TMEM39B: variants seen among roughly 807,000 people sequenced by gnomAD.
TMEM39B encodes transmembrane protein 39B.
Under a neutral mutation model 52.2 loss-of-function variants are expected in TMEM39B, and 23 were observed. The observed-to-expected ratio is 0.44, with a 90% CI of 0.32 to 0.62. The LOEUF (loss-of-function observed/expected upper bound fraction) is 0.62, where lower values mean the gene tolerates loss of function less well. TMEM39B is among the 20% of genes least tolerant of loss of function. The pLI, the probability that TMEM39B is intolerant of heterozygous loss-of-function variation, is 0.06. For synonymous variants in TMEM39B, 285 were observed against 264.0 expected (o/e 1.08, Z -0.77); for missense variants, 547 against 642.0 (o/e 0.85, Z 1.60).
intron 3 of TMEM39B, 181 bp downstream of exon 3, chr1:32,076,003 A>G: frequency 4.4e-6 from 2 of 456,864 alleles, no homozygotes; most frequent in Non-Finnish European, 7.9e-6. Flanking sequence ...GAATACTCCT[A>G]GTGTGTTTAG....
At chr1:32,091,208 T>C (rs1170640182) in intron 5 of TMEM39B, among the ~76,000 whole-genome samples, 2 of 151,208 alleles carry the variant, frequency 1.3e-5, no homozygotes, top group Admixed American at 6.6e-5. Flanking sequence ...TCCTTACTAA[T>C]GTGTAAGCTT....
chr1:32,093,107 T>C (rs1404598196), intron 6 of TMEM39B, among the ~76,000 whole-genome samples: 1 of 152,088 alleles, frequency 6.6e-6, no homozygotes, highest in Non-Finnish European at 1.5e-5. Context: ...ACTTAATCTC[T>C]CTTTTTTTTT....
At chr1:32,073,220 T>A in intron 1 of TMEM39B, 169 bp downstream of exon 1, 2 of 735,236 alleles carry the variant, frequency 2.7e-6, no homozygotes, top group Non-Finnish European at 3.8e-6. Context: ...GGGTGGGGCC[T>A]CTGTTGTGGG....
intron 5 of TMEM39B, among the ~76,000 whole-genome samples, chr1:32,090,586 T>C (rs72666735): frequency 0.084 from 12,750 of 152,194 alleles, 763 homozygotes; most frequent in South Asian, 0.25. Flanking sequence ...TAGCTGGGAC[T>C]ATAGGCATGT....
intron 4 of TMEM39B, 139 bp from the exon 5 acceptor site, chr1:32,077,024 AT>A: frequency 7.5e-7 from 1 of 1,335,782 alleles, no homozygotes; most frequent in Non-Finnish European, 1.0e-6. Context: ...AAAGAGAAGG[AT>A]TTACCTTGCC....
upstream of TMEM39B, chr1:32,072,775 C>T: frequency 1.9e-6 from 1 of 525,802 alleles, no homozygotes; most frequent in Non-Finnish European, 3.4e-6. Context: ...CCGTTCCCCT[C>T]CCTCTTGAGT....
At chr1:32,100,293 G>A (rs1416659321) in intron 7 of TMEM39B, 149 bp from the exon 8 acceptor site, 2 of 783,670 alleles carry the variant, frequency 2.6e-6, no homozygotes, top group African/African-American at 3.5e-5. Flanking sequence ...TTTTACAGAG[G>A]AGGCAACTGA....
rs150544794 is a variant in TMEM39B at position 32,086,317 on chromosome 1, A to G, written c.591-5358A>G. On this transcript the variant is annotated intron_variant, in intron 5 of 8. Coordinates refer to ENST00000336294, the MANE Select transcript of TMEM39B (RefSeq NM_018056.4). ...TCTGGGTAGATAAGCTCCCACCTCC[A>G]GTCCAGTTCGCTCATGCCATATTCT... is the stretch of plus-strand genomic sequence containing the variant. Among the ~76,000 whole-genome samples, 30 of 152,306 alleles carry G rather than the reference A, an allele frequency of 2.0e-4. No homozygotes were observed. In the South Asian group the frequency reaches 3.1e-3, roughly 16 times the overall value.
chr1:32,081,581 C>T (rs945837374), intron 5 of TMEM39B, among the ~76,000 whole-genome samples: 1 of 152,070 alleles, frequency 6.6e-6, no homozygotes, highest in Non-Finnish European at 1.5e-5. Context: ...AACCCTTTCT[C>T]TACTAAAAAT....
At chr1:32,074,003 C>A in intron 1 of TMEM39B, 3 of 634,520 alleles carry the variant, frequency 4.7e-6, no homozygotes, top group Non-Finnish European at 5.9e-6. Context: ...CCCGCCTCGG[C>A]CTCACAAATT....
intron 5 of TMEM39B, among the ~76,000 whole-genome samples, chr1:32,078,987 T>C (rs1639979990): frequency 6.6e-6 from 1 of 152,066 alleles, no homozygotes; most frequent in Non-Finnish European, 1.5e-5. Context: ...CTATGCATGA[T>C]GTACAATTTA....
intron 5 of TMEM39B, among the ~76,000 whole-genome samples, chr1:32,091,184 C>T (rs149725653): frequency 1.3e-5 from 2 of 152,078 alleles, no homozygotes; most frequent in African/African-American, 4.8e-5. Flanking sequence ...CCCACCCCCA[C>T]CTGCCCTATC....
intron 5 of TMEM39B, among the ~76,000 whole-genome samples, chr1:32,091,184 C>G (rs149725653): frequency 1.5e-3 from 231 of 152,196 alleles, no homozygotes; most frequent in Non-Finnish European, 2.6e-3. Context: ...CCCACCCCCA[C>G]CTGCCCTATC....
At chr1:32,079,634 A>G (rs1019659843) in intron 5 of TMEM39B, among the ~76,000 whole-genome samples, 9 of 151,542 alleles carry the variant, frequency 5.9e-5, no homozygotes, top group Admixed American at 5.9e-4. Flanking sequence ...CCTCGGCTCA[A>G]GCAATCCTCC....
At chr1:32,076,406 C>T (rs1025638311) in intron 3 of TMEM39B, among the ~76,000 whole-genome samples, 9 of 152,106 alleles carry the variant, frequency 5.9e-5, no homozygotes, top group Non-Finnish European at 1.0e-4. Context: ...CCACCGCGCC[C>T]GGCCAGGAGC....
At chr1:32,075,538 C>T (rs1243740932) in intron 2 of TMEM39B, 65 bp from the exon 3 acceptor site, 1 of 1,488,828 alleles carries the variant, frequency 6.7e-7, no homozygotes, top group Non-Finnish European at 9.1e-7. Flanking sequence ...AATCCTTTGC[C>T]TCAGAAGCCC....
At chr1:32,096,127 T>A (rs965570778) in intron 7 of TMEM39B, among the ~76,000 whole-genome samples, 1 of 152,160 alleles carries the variant, frequency 6.6e-6, no homozygotes, top group Non-Finnish European at 1.5e-5. Flanking sequence ...CAGGTCCTCA[T>A]ATGCTTTATG....
At chr1:32,095,019 C>T (rs1640762439) in intron 7 of TMEM39B, 48 bp downstream of exon 7, 1 of 1,588,204 alleles carries the variant, frequency 6.3e-7, no homozygotes. Flanking sequence ...TTCTGGTCAG[C>T]ATCTGGAGTC....
intron 5 of TMEM39B, among the ~76,000 whole-genome samples, chr1:32,081,756 G>C (rs1313684960): frequency 6.6e-6 from 1 of 151,910 alleles, no homozygotes; most frequent in East Asian, 1.9e-4. Context: ...TCAAAAAAAA[G>C]AAAATTATTG....
Sources: gnomAD v4.1 joint callset for allele counts (sites outside exome capture counted in the v4.1 genomes callset) on GRCh38, gnomAD v4.1.1 for gene constraint, MANE v1.5 for transcripts, NCBI Gene and HGNC (gene_info 2026-07-23, HGNC 2026-07-21) for gene names.